The following RPS6KA2 variants were observed in gnomAD, a reference collection of about 807,000 sequenced individuals.
RPS6KA2 encodes the protein ribosomal protein S6 kinase A2.
Under a neutral mutation model 91.8 loss-of-function variants are expected in RPS6KA2, and 42 were observed. The observed-to-expected ratio is 0.46, with a 90% CI of 0.36 to 0.59. The LOEUF (loss-of-function observed/expected upper bound fraction) is 0.59. RPS6KA2 is among the 20% of genes least tolerant of loss of function. The pLI, the probability that RPS6KA2 is intolerant of heterozygous loss-of-function variation, is 0.00. For missense variants in RPS6KA2, 798 were observed against 978.5 expected (o/e 0.82, Z 2.46); for synonymous variants, 414 against 393.6 (o/e 1.05, Z -0.61).
intron 1 of RPS6KA2, among the ~76,000 whole-genome samples, chr6:166,609,445 G>T (rs1371879560): frequency 6.6e-6 from 1 of 151,646 alleles, no homozygotes; most frequent in Non-Finnish European, 1.5e-5. Context: ...GCAAAGTTTG[G>T]TACTTATATC....
In RPS6KA2 at chr6:166,453,228, C is replaced by A. The variant is rs962236782; in HGVS notation, c.1076-1995G>T. On this transcript the variant is annotated intron_variant, in intron 12 of 20. Coordinates refer to ENST00000265678, the MANE Select transcript of RPS6KA2 (RefSeq NM_021135.6). ...ACACACACACACACACACACACACA[C>A]ACAAAAAGGCTTTAAGACCAGCATA... 4.1e-3 allele frequency among the ~76,000 whole-genome samples: 604 copies of A among 147,900 alleles called. 7 individuals are homozygous for A. Among genetic ancestry groups the A allele is most frequent in the African/African-American group, 0.014 (577 of 40,318 alleles).
rs1297401090 is a variant in RPS6KA2, at chr6:166,430,554, G to A, written c.1480C>T (p.Leu494Phe). ...CTCTGCCGGAGGATGCGGTCCAGGA[G>A]CTCCCCACCACGCATCAGCTCCATT... ...LVMELMRGGE[L>F]LDRILRQRYF... Residue 494 changes from leucine to phenylalanine, a missense_variant, in exon 16 of 21, where the codon CTC becomes TTC. By Grantham distance (22) the Leu-to-Phe change is conservative. Transcript: ENST00000265678. The A allele has an allele frequency of 6.2e-7, 1 of 1,613,898 alleles. No homozygotes were observed. Among genetic ancestry groups the A allele is most frequent in the Non-Finnish European group, 8.5e-7 (1 of 1,180,010 alleles).
chr6:166,829,079 C>T (rs1016578404), intron 2 of RPS6KA2, among the ~76,000 whole-genome samples: 2 of 152,156 alleles, frequency 1.3e-5, no homozygotes, highest in African/African-American at 4.8e-5. Flanking sequence ...AATAAGCACA[C>T]GGAGAAACGC....
At chr6:166,862,708 G>GGGGGGC (rs1554263536), upstream of RPS6KA2, 2 of 141,980 alleles carry the variant, frequency 1.4e-5, no homozygotes, top group African/African-American at 5.2e-5. Context: ...GGAGGCGGGG[G>GGGGGGC]GGGGGGGCGG....
chr6:166,513,727 T>A (rs1439481043), intron 3 of RPS6KA2, among the ~76,000 whole-genome samples: 1 of 152,156 alleles, frequency 6.6e-6, no homozygotes, highest in East Asian at 1.9e-4. Context: ...GGAGATTTAA[T>A]GAGAGGGGCC....
chr6:166,730,343 A>T (rs1447774592), intron 2 of RPS6KA2, among the ~76,000 whole-genome samples: 1 of 151,846 alleles, frequency 6.6e-6, no homozygotes, highest in Non-Finnish European at 1.5e-5. Flanking sequence ...TATGTTATTG[A>T]TATAAATATT....
intron 1 of RPS6KA2, among the ~76,000 whole-genome samples, chr6:166,585,502 T>C (rs1296835109): frequency 3.6e-5 from 5 of 137,056 alleles, no homozygotes; most frequent in Admixed American, 6.8e-5. Flanking sequence ...ACAAGTCTTT[T>C]TTTTTTTTTT....
chr6:166,564,524 CA>C (rs779402783), intron 1 of RPS6KA2, among the ~76,000 whole-genome samples: 19 of 152,196 alleles, frequency 1.2e-4, no homozygotes, highest in Non-Finnish European at 2.6e-4. Flanking sequence ...TTCTCATCTC[CA>C]ATGTTAAAGA....
At chr6:166,684,331 A>C (rs1028170445) in intron 2 of RPS6KA2, among the ~76,000 whole-genome samples, 1 of 152,218 alleles carries the variant, frequency 6.6e-6, no homozygotes, top group Non-Finnish European at 1.5e-5. Context: ...ATTTCTGCAT[A>C]AACTGCCCCT....
At chr6:166,703,720 A>C (rs1434845323) in intron 2 of RPS6KA2, among the ~76,000 whole-genome samples, 1 of 152,236 alleles carries the variant, frequency 6.6e-6, no homozygotes, top group Admixed American at 6.5e-5. Context: ...CGGAAGCAGG[A>C]TTTTGTTTAG....
rs142166103 is a variant in RPS6KA2, at chr6:166,599,676, A to G, written c.99+27245T>C. On this transcript the variant is annotated intron_variant, in intron 1 of 20. Transcript: ENST00000265678. ...GAACAAAATAAGAGACATAAATGCA[A>G]CATCTTACTCTTATTAAACAAAAAA... Among the ~76,000 whole-genome samples the G allele has an allele frequency of 5.7e-3, 868 of 152,366 alleles. 19 individuals carry two copies. Among genetic ancestry groups the G allele is most frequent in the Admixed American group, 0.038 (585 of 15,312 alleles).
At position 166,825,132 on chromosome 6, in the gene RPS6KA2, T is replaced by C. The variant is rs746130064; in HGVS notation, c.123+33068A>G. ...AACCCTTTTACAAATGTCGCTTTCATGATCAGGAATCCATTTCAAAGCCAG... is the reference window on the plus strand; with the variant it reads ...AACCCTTTTACAAATGTCGCTTTCACGATCAGGAATCCATTTCAAAGCCAG... On this transcript the variant is annotated intron_variant, in intron 2 of 21. Coordinates refer to the RPS6KA2 transcript ENST00000503859. This position sits in a 1 kb window ranked among gnomAD's most constrained non-coding sequence, Gnocchi z 4.1. Among the ~76,000 whole-genome samples, 12 of 152,198 alleles carry C rather than the reference T, an allele frequency of 7.9e-5. No homozygotes were observed. Among genetic ancestry groups the C allele is most frequent in the Non-Finnish European group, 1.6e-4 (11 of 68,032 alleles).
At chr6:166,844,543 G>C (rs1225222737) in intron 2 of RPS6KA2, among the ~76,000 whole-genome samples, 4 of 152,124 alleles carry the variant, frequency 2.6e-5, no homozygotes, top group African/African-American at 4.8e-5. Context: ...AACCTATAAA[G>C]GAAAACCTAT....
rs75838127 is a variant in RPS6KA2 at position 166,492,516 on chromosome 6, T to C, written c.748-1775A>G. ...TCCTATTCTGCTCTTTCTTCTTTCT[T>C]TCTTGAGTCTATTAATAGCACTATG... is the stretch of plus-strand genomic sequence containing the variant. On this transcript the variant is annotated intron_variant, in intron 8 of 20. Coordinates refer to ENST00000265678, the MANE Select transcript of RPS6KA2 (RefSeq NM_021135.6). Among the ~76,000 whole-genome samples the C allele has an allele frequency of 5.7e-3, 872 of 152,294 alleles. 10 individuals are homozygous for C. The highest frequency in any genetic ancestry group is 0.02 in the African/African-American group (837 of 41,538).
intron 2 of RPS6KA2, among the ~76,000 whole-genome samples, chr6:166,802,554 T>C (rs1779392934): frequency 6.6e-6 from 1 of 152,176 alleles, no homozygotes; most frequent in African/African-American, 2.4e-5. Flanking sequence ...TGCCAGACAC[T>C]AACGGGAATG....
chr6:166,775,946 C>T (rs1778605714), intron 2 of RPS6KA2, among the ~76,000 whole-genome samples: 1 of 100,234 alleles, frequency 1.0e-5, no homozygotes, highest in African/African-American at 4.9e-5. Flanking sequence ...GACAGACACG[C>T]GTGGAGGGCC....
intron 2 of RPS6KA2, among the ~76,000 whole-genome samples, chr6:166,766,298 A>T (rs924540332): frequency 3.3e-5 from 5 of 152,200 alleles, no homozygotes; most frequent in East Asian, 1.9e-4. Context: ...CTATTTAAAA[A>T]TTTTTTAGGA....
intron 3 of RPS6KA2, among the ~76,000 whole-genome samples, chr6:166,518,077 G>A (rs994611259): frequency 6.6e-6 from 1 of 151,908 alleles, no homozygotes; most frequent in Non-Finnish European, 1.5e-5. Context: ...CTCCACCACT[G>A]AGCTGGTCTT....
intron 1 of RPS6KA2, among the ~76,000 whole-genome samples, chr6:166,598,322 G>A (rs1429590757): frequency 1.3e-5 from 2 of 152,132 alleles, no homozygotes; most frequent in Admixed American, 6.6e-5. Flanking sequence ...CCTCCAAAAG[G>A]CAATGGGGGC....
Sources: allele counts gnomAD v4.1 joint callset (sites outside exome capture counted in the v4.1 genomes callset), GRCh38; gene constraint gnomAD v4.1.1; non-coding constraint Gnocchi (gnomAD v3.1); transcripts MANE v1.5; gene names NCBI Gene and HGNC (gene_info 2026-07-23, HGNC 2026-07-21).